Variants in CUTC observed in about 807,000 individuals in gnomAD.
The protein encoded by CUTC is copper homeostasis protein cutC homolog.
Under a neutral mutation model 36.2 loss-of-function variants are expected in CUTC, and 27 were observed. The ratio of observed to expected loss-of-function variants is 0.75; its 90% confidence interval spans 0.55 to 1.03. The LOEUF is 1.03. CUTC is among the 50% of genes least tolerant of loss of function. The probability of loss-of-function intolerance (pLI) is 0.00; values close to 1 mark genes in which losing one functional copy is unlikely to be tolerated. For synonymous variants in CUTC, 114 were observed against 118.3 expected (o/e 0.96, Z 0.24); for missense variants, 315 against 343.5 (o/e 0.92, Z 0.66).
intron 1 of CUTC, among the ~76,000 whole-genome samples, chr10:99,734,309 C>T (rs558280959): frequency 6.6e-6 from 1 of 152,216 alleles, no homozygotes; most frequent in Non-Finnish European, 1.5e-5. Context: ...ACCTCAGATC[C>T]GCCCACCTTG....
chr10:99,736,402 T>C (rs2037297714), intron 2 of CUTC, 85 bp downstream of exon 2: 3 of 989,644 alleles, frequency 3.0e-6, no homozygotes, highest in Non-Finnish European at 4.8e-6. Flanking sequence ...TCAGAAGCCC[T>C]TGTGATCTCT....
intron 5 of CUTC, among the ~76,000 whole-genome samples, chr10:99,744,305 A>C (rs1401233612): frequency 6.6e-6 from 1 of 152,128 alleles, no homozygotes; most frequent in Admixed American, 6.6e-5. Context: ...GGGATATAAG[A>C]GAGCGAGGGA....
At chr10:99,734,536 A>G (rs1347818265) in intron 1 of CUTC, among the ~76,000 whole-genome samples, 1 of 152,210 alleles carries the variant, frequency 6.6e-6, no homozygotes, top group African/African-American at 2.4e-5. Flanking sequence ...AAATAAAAAT[A>G]ATTTCAAATC....
At chr10:99,746,767 A>G (rs1038542048) in intron 5 of CUTC, among the ~76,000 whole-genome samples, 13 of 151,766 alleles carry the variant, frequency 8.6e-5, no homozygotes, top group Admixed American at 6.6e-5. Flanking sequence ...TTTTATTATT[A>G]TTAATTAAAT....
intron 4 of CUTC, among the ~76,000 whole-genome samples, 180 bp downstream of exon 4, chr10:99,743,542 C>T (rs1303794453): frequency 1.3e-5 from 2 of 152,110 alleles, no homozygotes; most frequent in Non-Finnish European, 2.9e-5. Context: ...TGTGGCAAAG[C>T]CTTCTTAACT....
intron 5 of CUTC, among the ~76,000 whole-genome samples, chr10:99,745,915 C>T (rs4919394): frequency 0.97 from 147,196 of 152,336 alleles, 71,301 homozygotes; most frequent in East Asian, 1. Context: ...AAAACAACTA[C>T]CCTTATGCTA....
At chr10:99,754,988 A>C (rs1352455198) in intron 8 of CUTC, among the ~76,000 whole-genome samples, 1 of 3,592 alleles carries the variant, frequency 2.8e-4, no homozygotes, top group Non-Finnish European at 3.9e-3. Flanking sequence ...GTAAGGATGG[A>C]AGAGTCAGTC....
chr10:99,733,827 A>G (rs2037261719), intron 1 of CUTC, among the ~76,000 whole-genome samples: 1 of 152,166 alleles, frequency 6.6e-6, no homozygotes, highest in African/African-American at 2.4e-5. Context: ...TGCTTGGGAC[A>G]ACTGCCTTGC....
rs571805746 is a variant in CUTC at position 99,753,274 on chromosome 10, G to A, written c.602-1255G>A. On this transcript the variant is annotated intron_variant, in intron 7 of 8. Coordinates refer to ENST00000370476, the MANE Select transcript of CUTC (RefSeq NM_015960.3). ...TTACAATAAGCTTGTGAGGTAGCCA[G>A]TATTATCCCTCTTTTATTGGCAAAA... Among the ~76,000 whole-genome samples the A allele has an allele frequency of 2.0e-5, 3 of 152,328 alleles. No individual in the cohort carries two copies. The East Asian group carries it at 5.8e-4, about 29-fold the overall frequency.
rs150983605 is a variant in CUTC at position 99,733,786 on chromosome 10, T to A, written c.61+1377T>A. Among the ~76,000 whole-genome samples the A allele has an allele frequency of 2.0e-5, 3 of 152,352 alleles. No homozygotes were observed. The East Asian group carries it at 5.8e-4, about 29-fold the overall frequency. ...TGGACTACTACACTTTGAGAACTGC[T>A]GCTGCTTCTCCTTTGATCCTATAAC... On this transcript the variant is annotated intron_variant, in intron 1 of 8. Coordinates refer to ENST00000370476, the MANE Select transcript of CUTC (RefSeq NM_015960.3).
chr10:99,738,149 A>C (rs2037312015), intron 2 of CUTC, among the ~76,000 whole-genome samples: 1 of 152,032 alleles, frequency 6.6e-6, no homozygotes, highest in Non-Finnish European at 1.5e-5. Flanking sequence ...CCGTCTCAAA[A>C]AAAAAAAAAA....
rs2037407529 is a variant in CUTC at position 99,750,384 on chromosome 10, G to A, written c.589G>A (p.Val197Met). ...CTTTTTTCAGGCAAAAGGCAGGATT[G>A]TGGTAATGCCAGGTATTTATTTATC... ...RLIEQAKGRI[V>M]VMPGGGITDR... Residue 197 changes from valine to methionine, a missense_variant, in exon 7 of 9, where the codon GTG becomes ATG. Transcript: ENST00000370476. 1 of 1,581,218 alleles carries A rather than the reference G, an allele frequency of 6.3e-7. No individual in the cohort carries two copies. The highest frequency in any genetic ancestry group is 1.4e-5 in the African/African-American group (1 of 72,692).
chr10:99,755,769 C>A lies in CUTC; in HGVS notation c.*30C>A. On this transcript the variant is annotated 3_prime_UTR_variant, in exon 9 of 9. Coordinates refer to ENST00000370476, the MANE Select transcript of CUTC (RefSeq NM_015960.3). ...ACCTCTCTGAGAGACATGGATATCA[C>A]AGGATGAAGGTAGAACTATAATCTG... 1.5e-6 allele frequency: 2 copies of A among 1,375,332 alleles called. No homozygotes were observed. The highest frequency in any genetic ancestry group is 2.1e-6 in the Non-Finnish European group (2 of 964,556). 85.2% of individuals were successfully genotyped at this position (1,375,332 alleles called of 1,614,324 possible).
intron 5 of CUTC, among the ~76,000 whole-genome samples, chr10:99,746,830 A>G (rs890789408): frequency 9.9e-5 from 15 of 152,128 alleles, no homozygotes; most frequent in East Asian, 1.9e-4. Context: ...CTAGGGCACA[A>G]TGGTGCAATT....
In CUTC at chr10:99,744,026, T is replaced by G. The variant is rs750249973; in HGVS notation, c.404-11T>G. ...CTTCATTCATGTTGTTATATGACTT[T>G]CTTTTTATAGCTATTTGCCGCCCTC... On this transcript the variant is annotated splice_polypyrimidine_tract_variant and intron_variant, in intron 4 of 8. Coordinates refer to ENST00000370476, the MANE Select transcript of CUTC (RefSeq NM_015960.3). The G allele has an allele frequency of 2.5e-6, 4 of 1,610,682 alleles. No individual in the cohort carries two copies. The highest frequency in any genetic ancestry group is 3.3e-4 in the Middle Eastern group (2 of 6,054).
intron 6 of CUTC, among the ~76,000 whole-genome samples, chr10:99,748,732 T>C (rs781197886): frequency 6.6e-6 from 1 of 152,180 alleles, no homozygotes; most frequent in Non-Finnish European, 1.5e-5. Context: ...GTTTTACTCA[T>C]TTGAAGGATG....
rs1381386342 is a variant in CUTC at position 99,732,394 on chromosome 10, C to A, written c.46C>A (p.Pro16Thr). 1.9e-6 allele frequency: 3 copies of A among 1,552,498 alleles called. No individual in the cohort carries two copies. The highest frequency in any genetic ancestry group is 2.6e-6 in the Non-Finnish European group (3 of 1,147,890). Residue 16 changes from proline to threonine, a missense_variant, in exon 1 of 9, where the codon CCG becomes ACG. Physicochemically the swap from Pro to Thr is conservative, Grantham distance 38. Transcript: ENST00000370476. ...CTCTGAGCGAAAACGAGCGCGGATA[C>A]CGTCCGGGAAGGCCGGTGCGGAAGG... ...ASSERKRARI[P>T]SGKAGAANGF...
At chr10:99,740,715 A>G (rs767844) in intron 3 of CUTC, among the ~76,000 whole-genome samples, 15,452 of 152,166 alleles carry the variant, frequency 0.1, 999 homozygotes, top group East Asian at 0.31. Flanking sequence ...GACTTAAGCT[A>G]TTCTTACATT....
Position 99,732,247 on chromosome 10 carries a change from G to T in CUTC, c.-102G>T, listed in dbSNP as rs2037195520. ...TGGGGCGTAGGTGTCGGGGACGCGC[G>T]CACGGGCGCGCGCAGCTGTTGACGC... On this transcript the variant is annotated 5_prime_UTR_variant, in exon 1 of 9. Coordinates refer to ENST00000370476, the MANE Select transcript of CUTC (RefSeq NM_015960.3). The T allele has an allele frequency of 2.0e-6, 3 of 1,525,194 alleles. No individual in the cohort carries two copies. The highest frequency in any genetic ancestry group is 1.8e-6 in the Non-Finnish European group (2 of 1,135,846). The allele number at this position is 1,525,194 out of a possible 1,614,324, so 94.5% of individuals were successfully genotyped here.
Sources: gnomAD v4.1 joint callset for allele counts (sites outside exome capture counted in the v4.1 genomes callset) on GRCh38, gnomAD v4.1.1 for gene constraint, MANE v1.5 for transcripts, NCBI Gene and HGNC (gene_info 2026-07-23, HGNC 2026-07-21) for gene names.